Variants in TBL1XR1 observed in about 807,000 individuals in gnomAD.
TBL1XR1 encodes the protein F-box-like/WD repeat-containing protein TBL1XR1.
A neutral mutation model predicts 66.9 loss-of-function variants in TBL1XR1; 5 were observed. That is an observed-to-expected ratio of 0.07 (90% CI 0.04 to 0.16). TBL1XR1 has a LOEUF of 0.16. Among genes scored for constraint, TBL1XR1 ranks in the 10% least tolerant of loss-of-function variants. TBL1XR1 has a pLI of 1.00. For missense variants in TBL1XR1, 238 were observed against 623.2 expected, an observed-to-expected ratio of 0.38 and a Z score of 6.58; for synonymous variants, 210 against 206.0, an observed-to-expected ratio of 1.02 and a Z score of -0.17.
At chr3:177,039,430 T>C (rs1646012088) in intron 10 of TBL1XR1, among the ~76,000 whole-genome samples, 1 of 152,212 alleles carries the variant, frequency 6.6e-6, no homozygotes, top group Non-Finnish European at 1.5e-5. Context: ...GGCATATGAT[T>C]TGCAAATAAT....
chr3:177,069,417 A>AC (rs1204108688), intron 2 of TBL1XR1, among the ~76,000 whole-genome samples: 1 of 152,110 alleles, frequency 6.6e-6, no homozygotes, highest in Non-Finnish European at 1.5e-5. Flanking sequence ...CTTTATAAAC[A>AC]CCAACATATA....
intron 1 of TBL1XR1, among the ~76,000 whole-genome samples, chr3:177,182,191 A>G (rs1409763126): frequency 6.6e-6 from 1 of 152,122 alleles, no homozygotes; most frequent in African/African-American, 2.4e-5. Flanking sequence ...GTTCAAGACC[A>G]GCCTGGGCAA....
At chr3:177,189,413 G>A (rs1413643153) in intron 1 of TBL1XR1, among the ~76,000 whole-genome samples, 1 of 151,912 alleles carries the variant, frequency 6.6e-6, no homozygotes, top group African/African-American at 2.4e-5. Context: ...AGCAATTTGG[G>A]AGGCCAAGGT....
At chr3:177,164,629 T>TGA (rs776771098) in intron 1 of TBL1XR1, among the ~76,000 whole-genome samples, 103 of 152,286 alleles carry the variant, frequency 6.8e-4, no homozygotes, top group Non-Finnish European at 1.3e-3. Flanking sequence ...ATTACAGGCG[T>TGA]GAGCCACTGC....
intron 1 of TBL1XR1, among the ~76,000 whole-genome samples, chr3:177,146,148 T>G (rs926068071): frequency 1.2e-4 from 18 of 152,192 alleles, no homozygotes; most frequent in African/African-American, 4.3e-4. Context: ...GTACCTGATA[T>G]GCAGCTATCA....
chr3:177,130,510 A>G (rs1042416102), intron 1 of TBL1XR1, among the ~76,000 whole-genome samples: 5 of 152,202 alleles, frequency 3.3e-5, no homozygotes, highest in African/African-American at 9.7e-5. Context: ...GGGAGACAGC[A>G]TATTACGTAC....
chr3:177,076,689 C>T (rs1448460656), intron 2 of TBL1XR1, among the ~76,000 whole-genome samples: 2 of 152,130 alleles, frequency 1.3e-5, no homozygotes, highest in African/African-American at 4.8e-5. Flanking sequence ...GTCATCTGTC[C>T]ACCTTGGTTA....
chr3:177,196,822 G>A (rs1428708486), intron 1 of TBL1XR1, among the ~76,000 whole-genome samples: 1 of 151,792 alleles, frequency 6.6e-6, no homozygotes, highest in African/African-American at 2.4e-5. Flanking sequence ...ACATTTTCGG[G>A]GACAACATAA....
At chr3:177,080,265 A>T (rs888916712) in intron 2 of TBL1XR1, among the ~76,000 whole-genome samples, 1 of 152,228 alleles carries the variant, frequency 6.6e-6, no homozygotes, top group Non-Finnish European at 1.5e-5. Context: ...TATCATTAAC[A>T]TCTAAGCTGA....
chr3:177,172,215 T>C (rs1029626534), intron 1 of TBL1XR1, among the ~76,000 whole-genome samples: 6 of 143,542 alleles, frequency 4.2e-5, no homozygotes, highest in African/African-American at 1.6e-4. Flanking sequence ...GAGCCAAGAT[T>C]GCGCCACTGC....
In TBL1XR1 at chr3:177,051,486, A is replaced by C; in HGVS notation, c.427+18T>G. 1 of 1,560,840 alleles carries C rather than the reference A, an allele frequency of 6.4e-7. No individual in the cohort carries two copies. Among genetic ancestry groups the C allele is most frequent in the Non-Finnish European group, 8.6e-7 (1 of 1,161,310 alleles). On this transcript the variant is annotated intron_variant, in intron 5 of 15. Coordinates refer to ENST00000457928, the MANE Select transcript of TBL1XR1 (RefSeq NM_024665.7). The stretch of plus-strand genomic sequence containing the variant: ...AAATAAACCATGTAATTAAAAAAAA[A>C]TTCTTGTCTGAGCTCACTTGCTATA...
chr3:177,196,593 G>T (rs1010693901), intron 1 of TBL1XR1: 1 of 150,106 alleles, frequency 6.7e-6, no homozygotes, highest in East Asian at 2.0e-4. Flanking sequence ...CCCGGGGAGG[G>T]GAGATTTCCA....
chr3:177,055,286 G>A (rs1259619206), intron 3 of TBL1XR1, among the ~76,000 whole-genome samples: 5 of 152,024 alleles, frequency 3.3e-5, no homozygotes, highest in African/African-American at 1.2e-4. Flanking sequence ...CCTAGCATGT[G>A]GCTAGGAAAA....
chr3:177,114,169 T>G (rs1223429073), intron 1 of TBL1XR1, among the ~76,000 whole-genome samples: 1 of 152,066 alleles, frequency 6.6e-6, no homozygotes, highest in Non-Finnish European at 1.5e-5. Flanking sequence ...ATGCATTTAT[T>G]AATTCACTAG....
intron 3 of TBL1XR1, among the ~76,000 whole-genome samples, chr3:177,062,548 T>C (rs999704211): frequency 2.0e-5 from 3 of 152,208 alleles, no homozygotes; most frequent in African/African-American, 7.2e-5. Context: ...TGTCATCAGT[T>C]GAGTCTGATC....
intron 1 of TBL1XR1, among the ~76,000 whole-genome samples, chr3:177,144,190 G>A (rs1187575692): frequency 6.6e-6 from 1 of 151,844 alleles, no homozygotes; most frequent in Non-Finnish European, 1.5e-5. Context: ...AGGTTGGAGT[G>A]AGCTGAGATC....
intron 1 of TBL1XR1, among the ~76,000 whole-genome samples, chr3:177,145,526 G>A (rs1212628821): frequency 6.6e-6 from 1 of 152,078 alleles, no homozygotes; most frequent in Non-Finnish European, 1.5e-5. Flanking sequence ...GTATCCTTTA[G>A]ACAAAGCTCT....
chr3:177,196,724 T>C (rs1379282267), intron 1 of TBL1XR1, among the ~76,000 whole-genome samples: 5 of 109,566 alleles, frequency 4.6e-5, no homozygotes, highest in Admixed American at 2.7e-4. Context: ...GCAAATCCTT[T>C]CCTGAAAGCC....
intron 10 of TBL1XR1, among the ~76,000 whole-genome samples, chr3:177,042,934 A>G (rs765021928): frequency 4.3e-4 from 66 of 151,924 alleles, no homozygotes; most frequent in Non-Finnish European, 7.7e-4. Flanking sequence ...GCCTTTATTG[A>G]CATATAATTC....
Sources: allele counts gnomAD v4.1 joint callset (sites outside exome capture counted in the v4.1 genomes callset), GRCh38; gene constraint gnomAD v4.1.1; transcripts MANE v1.5; gene names NCBI Gene and HGNC (gene_info 2026-07-23, HGNC 2026-07-21).